EPS15L1: variants seen among roughly 807,000 people sequenced by gnomAD.
The protein encoded by EPS15L1 is epidermal growth factor receptor substrate 15-like 1.
In EPS15L1, 43 loss-of-function variants were observed where a neutral mutation model predicts 117.1. The observed-to-expected ratio is 0.37, with a 90% CI of 0.29 to 0.47. The LOEUF (loss-of-function observed/expected upper bound fraction) is 0.47. Among genes scored for constraint, EPS15L1 ranks in the 20% least tolerant of loss-of-function variants. EPS15L1 has a pLI of 0.99. For synonymous variants in EPS15L1, 459 were observed against 470.5 expected (o/e 0.98, Z 0.32); for missense variants, 981 against 1,164.0 (o/e 0.84, Z 2.29).
At chr19:16,453,381 A>G (rs1183414506) in intron 1 of EPS15L1, among the ~76,000 whole-genome samples, 1 of 152,148 alleles carries the variant, frequency 6.6e-6, no homozygotes, top group Non-Finnish European at 1.5e-5. Context: ...CTGGGATTAT[A>G]GGTGTGAGCA....
intron 3 of EPS15L1, chr19:16,441,480 T>A: frequency 6.1e-6 from 1 of 164,826 alleles, no homozygotes; most frequent in African/African-American, 2.4e-5. Flanking sequence ...AAAAAAAAAA[T>A]TAGCCGGGTG....
chr19:16,401,561 C>G, intron 16 of EPS15L1: 2 of 985,656 alleles, frequency 2.0e-6, no homozygotes, highest in Non-Finnish European at 2.4e-6. Context: ...GGAACAGCAC[C>G]AAGACGAAAT....
chr19:16,399,080 G>A (rs1319976004), intron 16 of EPS15L1, among the ~76,000 whole-genome samples: 3 of 152,124 alleles, frequency 2.0e-5, no homozygotes, highest in African/African-American at 7.2e-5. Context: ...GAGGTTCTGG[G>A]AATGCTGGCT....
intron 21 of EPS15L1, among the ~76,000 whole-genome samples, chr19:16,378,436 C>T (rs776445484): frequency 2.0e-5 from 3 of 152,082 alleles, no homozygotes; most frequent in African/African-American, 7.2e-5. Context: ...CGGCCCACCT[C>T]GTCCACCAGG....
chr19:16,469,307 T>A (rs1645491205), intron 1 of EPS15L1, among the ~76,000 whole-genome samples: 1 of 151,728 alleles, frequency 6.6e-6, no homozygotes, highest in Non-Finnish European at 1.5e-5. Context: ...GGAGAGAGGA[T>A]GAAGAGTGAA....
intron 4 of EPS15L1, among the ~76,000 whole-genome samples, chr19:16,438,890 C>A (rs2093002087): frequency 6.6e-6 from 1 of 152,004 alleles, no homozygotes; most frequent in South Asian, 2.1e-4. Context: ...CTGTGGTTCA[C>A]CACGATCCCC....
intron 16 of EPS15L1, chr19:16,401,598 G>A (rs1472132170): frequency 1.0e-6 from 1 of 985,444 alleles, no homozygotes; most frequent in Non-Finnish European, 1.2e-6. Context: ...CCAGGTTCGA[G>A]GCTGCAGGGG....
rs1332906546 is a variant in EPS15L1, at chr19:16,355,284, T to C, written c.*421A>G. On this transcript the variant is annotated 3_prime_UTR_variant, in exon 24 of 24. Transcript: ENST00000455140. The stretch of plus-strand genomic sequence containing the variant: ...ATATTTTATATTAATCATTCAAACT[T>C]CATTTTATACAACGAGTGCATACAC... 3 of 174,390 alleles carry C rather than the reference T, an allele frequency of 1.7e-5. No individual in the cohort carries two copies. The highest frequency in any genetic ancestry group is 3.6e-5 in the Non-Finnish European group (3 of 83,370). The allele number at this position is 174,390 out of a possible 1,614,324, so 10.8% of individuals were successfully genotyped here. A position where few individuals can be genotyped will look rare whatever the true frequency, so the allele number is the denominator to read the frequency against.
chr19:16,450,358 C>A (rs2093127833), intron 1 of EPS15L1, among the ~76,000 whole-genome samples: 1 of 151,376 alleles, frequency 6.6e-6, no homozygotes, highest in Admixed American at 6.6e-5. Context: ...GGTTCTATTG[C>A]TTCTCGGTTC....
At chr19:16,412,803 C>A in intron 13 of EPS15L1, 1 of 449,906 alleles carries the variant, frequency 2.2e-6, no homozygotes, top group Non-Finnish European at 4.2e-6. Flanking sequence ...GCTGGGGTCG[C>A]GGCCGTGGAC....
intron 6 of EPS15L1, chr19:16,436,692 T>G: frequency 2.3e-6 from 1 of 434,134 alleles, no homozygotes. Flanking sequence ...GACACTTAGT[T>G]GTCCAGGTAG....
rs73931919 is a variant in EPS15L1, at chr19:16,426,847, C to T, written c.559-1531G>A. 8.4e-3 allele frequency among the ~76,000 whole-genome samples: 1,277 copies of T among 152,188 alleles called. 19 individuals carry two copies. The highest frequency in any genetic ancestry group is 0.029 in the African/African-American group (1,224 of 41,506). On this transcript the variant is annotated intron_variant, in intron 8 of 23. Coordinates refer to ENST00000455140, the MANE Select transcript of EPS15L1 (RefSeq NM_001258374.3). ...TCCTGGGATTAGATAATAATAGACA[C>T]GCTCATACAGAATATAAGGGGTATA... is the stretch of plus-strand genomic sequence containing the variant.
intron 1 of EPS15L1, among the ~76,000 whole-genome samples, chr19:16,455,025 A>G (rs2093181230): frequency 1.3e-5 from 2 of 151,956 alleles, no homozygotes; most frequent in African/African-American, 4.8e-5. Flanking sequence ...GCTACTTGGG[A>G]GGCTGAGGCA....
chr19:16,360,824 T>G (rs947746619), intron 23 of EPS15L1, among the ~76,000 whole-genome samples: 2 of 151,960 alleles, frequency 1.3e-5, no homozygotes, highest in Admixed American at 6.6e-5. Context: ...CAGAAACAAA[T>G]CGGGTGCTTT....
rs1252063746 is a variant in EPS15L1 at position 16,371,435 on chromosome 19, T to TA, written c.2380+5686dup. 4.6e-5 allele frequency among the ~76,000 whole-genome samples: 7 copies of TA among 152,210 alleles called. No individual in the cohort carries two copies. The highest frequency in any genetic ancestry group is 1.7e-4 in the African/African-American group (7 of 41,458). ...CAAATCAAACAGGACAGCCGCTGGTTAAACTTAGGTAAAAGCTGTTCGTTA... is the reference window on the plus strand; with the variant it reads ...CAAATCAAACAGGACAGCCGCTGGTTAAAACTTAGGTAAAAGCTGTTCGTTA... On this transcript the variant is annotated intron_variant, in intron 22 of 23. Transcript: ENST00000455140. The surrounding 1 kb of genome is among the most constrained non-coding windows in gnomAD (Gnocchi z 4.7).
chr19:16,386,229 G>C lies in EPS15L1; in HGVS notation c.2106C>G (p.Leu702=). 1 of 1,610,922 alleles carries C rather than the reference G, an allele frequency of 6.2e-7. No individual in the cohort carries two copies. Among genetic ancestry groups the C allele is most frequent in the Non-Finnish European group, 8.5e-7 (1 of 1,177,770 alleles). ...AGGGATCACTGGATTCAAAGGGGTC[G>C]AGCTAAATGAAAGGAGAGAGGAAAG... ...FTKNPSLPSK[L]DPFESSDPFS... is the part of the protein sequence containing the mutation. The change falls in exon 20 of 24, where the codon CTC becomes CTG. Residue 702 remains leucine, a splice_region_variant and synonymous_variant. Coordinates refer to ENST00000455140, the MANE Select transcript of EPS15L1 (RefSeq NM_001258374.3).
chr19:16,423,212 T>C (rs1195394276), intron 9 of EPS15L1, among the ~76,000 whole-genome samples: 2 of 152,170 alleles, frequency 1.3e-5, no homozygotes, highest in Non-Finnish European at 2.9e-5. Context: ...GTTCAGGGGT[T>C]TCACGTAGCA....
Position 16,385,229 on chromosome 19 carries a change from A to G in EPS15L1, c.2165-18T>C. 3 of 1,609,986 alleles carry G rather than the reference A, an allele frequency of 1.9e-6. No homozygotes were observed. Among genetic ancestry groups the G allele is most frequent in the Non-Finnish European group, 2.6e-6 (3 of 1,176,334 alleles). The stretch of plus-strand genomic sequence containing the variant: ...AAAGGGATCTGCAATCGGCACCAAC[A>G]AAGTCAGAGTTACAGGTCTTTAAGA... On this transcript the variant is annotated intron_variant, in intron 20 of 23. Transcript: ENST00000455140.
intron 23 of EPS15L1, among the ~76,000 whole-genome samples, chr19:16,359,722 T>C (rs1030665417): frequency 1.3e-5 from 2 of 151,906 alleles, no homozygotes; most frequent in Non-Finnish European, 2.9e-5. Context: ...ATTAGCCAGA[T>C]GTGGTGGTGC....
Sources: gnomAD v4.1 joint callset for allele counts (sites outside exome capture counted in the v4.1 genomes callset) on GRCh38, gnomAD v4.1.1 for gene constraint, Gnocchi (gnomAD v3.1) non-coding constraint, MANE v1.5 for transcripts, NCBI Gene and HGNC (gene_info 2026-07-23, HGNC 2026-07-21) for gene names.